The following ACOT12 variants were observed in gnomAD, a reference collection of about 807,000 sequenced individuals.
ACOT12 encodes acyl-CoA thioesterase 12.
Under a neutral mutation model 67.7 loss-of-function variants are expected in ACOT12, and 51 were observed. The observed-to-expected ratio is 0.75, with a 90% CI of 0.60 to 0.95. The LOEUF is 0.95. ACOT12 is among the 40% of genes least tolerant of loss of function. ACOT12 has a pLI of 0.00. For missense variants in ACOT12, 734 were observed against 708.1 expected, an observed-to-expected ratio of 1.04 and a Z score of -0.41; for synonymous variants, 251 against 244.6, an observed-to-expected ratio of 1.03 and a Z score of -0.24.
chr5:81,338,917 C>A (rs1759098298), intron 11 of ACOT12, among the ~76,000 whole-genome samples: 1 of 152,120 alleles, frequency 6.6e-6, no homozygotes, highest in Non-Finnish European at 1.5e-5. Context: ...CCTGTCTCTA[C>A]TGAAAACACA....
chr5:81,359,967 C>T lies in ACOT12; in HGVS notation c.432G>A (p.Arg144=), dbSNP rs376960405. Residue 144 remains arginine, a synonymous_variant, in exon 5 of 15, where the codon AGG becomes AGA. Transcript: ENST00000307624. ...HVEHNLAAER[R]KVRLQHEDTF... ...TATCTTCATGTTGTAATCGAACTTTCCTTCTCTCAGCAGCCAGATTATGTT... is the reference window on the plus strand; with the variant it reads ...TATCTTCATGTTGTAATCGAACTTTTCTTCTCTCAGCAGCCAGATTATGTT... 1.2e-6 allele frequency: 2 copies of T among 1,612,530 alleles called. No individual in the cohort carries two copies. The highest frequency in any genetic ancestry group is 1.3e-5 in the African/African-American group (1 of 74,864).
intron 2 of ACOT12, among the ~76,000 whole-genome samples, chr5:81,383,041 T>C (rs989731572): frequency 6.6e-6 from 1 of 152,162 alleles, no homozygotes; most frequent in African/African-American, 2.4e-5. Flanking sequence ...GACAGAATGG[T>C]TGTAGTCTAT....
At chr5:81,316,566 T>C in the ACOT12 span, among the ~76,000 whole-genome samples, 2 of 152,230 alleles carry the variant, frequency 1.3e-5, no homozygotes, top group African/African-American at 4.8e-5. Context: ...CTGTGAACAT[T>C]TGTGTATAAT....
intron 3 of ACOT12, among the ~76,000 whole-genome samples, chr5:81,367,430 C>T (rs894666140): frequency 1.3e-5 from 2 of 151,992 alleles, no homozygotes; most frequent in Non-Finnish European, 2.9e-5. Flanking sequence ...AAGGCTGGGA[C>T]ATGGGAAGGG....
In ACOT12 at chr5:81,393,623, G is replaced by A. The variant is rs138570230; in HGVS notation, c.127+365C>T. Among the ~76,000 whole-genome samples, 1,157 of 152,188 alleles carry A rather than the reference G, an allele frequency of 7.6e-3. 16 individuals are homozygous for A. Among genetic ancestry groups the A allele is most frequent in the African/African-American group, 0.025 (1,043 of 41,522 alleles). ...TCCTAGTTACTCTGGAGGCTGAGGT[G>A]GGAGGATCGCTTTAGCTCAGGAGGT... On this transcript the variant is annotated intron_variant, in intron 1 of 14. Coordinates refer to ENST00000307624, the MANE Select transcript of ACOT12 (RefSeq NM_130767.3).
At chr5:81,351,198 A>G (rs1343080872) in intron 5 of ACOT12, among the ~76,000 whole-genome samples, 1 of 152,170 alleles carries the variant, frequency 6.6e-6, no homozygotes, top group Non-Finnish European at 1.5e-5. Flanking sequence ...AATCCCTTTC[A>G]ATTTCTCTCT....
chr5:81,323,681 G>A, the ACOT12 span, among the ~76,000 whole-genome samples: 1 of 152,014 alleles, frequency 6.6e-6, no homozygotes, highest in East Asian at 1.9e-4. Context: ...ATGAGACTGT[G>A]GCTCTTACCC....
chr5:81,312,764 G>GTAGA, the ACOT12 span: 2 of 794,416 alleles, frequency 2.5e-6, no homozygotes, highest in South Asian at 3.4e-5. Flanking sequence ...GGACTATGCT[G>GTAGA]TAGATATCAG....
intron 11 of ACOT12, among the ~76,000 whole-genome samples, chr5:81,337,297 G>A (rs938621226): frequency 1.3e-5 from 2 of 152,148 alleles, no homozygotes; most frequent in African/African-American, 4.8e-5. Context: ...CTGCCCTTGG[G>A]GCAGCCATGC....
At chr5:81,342,308 AG>A (rs1255603261) in intron 11 of ACOT12, among the ~76,000 whole-genome samples, 1 of 152,200 alleles carries the variant, frequency 6.6e-6, no homozygotes, top group African/African-American at 2.4e-5. Flanking sequence ...TTAATTTTAA[AG>A]AAGTCATGAC....
At chr5:81,338,748 TATC>T (rs1759091378) in intron 11 of ACOT12, among the ~76,000 whole-genome samples, 1 of 152,216 alleles carries the variant, frequency 6.6e-6, no homozygotes, top group African/African-American at 2.4e-5. Flanking sequence ...TTATTAGTGA[TATC>T]ATTGTTTTCA....
intron 5 of ACOT12, among the ~76,000 whole-genome samples, chr5:81,353,275 A>G (rs1161316002): frequency 1.3e-5 from 2 of 152,158 alleles, no homozygotes; most frequent in African/African-American, 4.8e-5. Context: ...GCTTATTTGG[A>G]GTTAATTTAC....
At chr5:81,361,272 G>A (rs114478020) in intron 4 of ACOT12, among the ~76,000 whole-genome samples, 236 of 151,382 alleles carry the variant, frequency 1.6e-3, no homozygotes, top group African/African-American at 5.5e-3. Context: ...GAGCACAGTG[G>A]TGTAATCATA....
chr5:81,360,184 A>C, intron 4 of ACOT12, 146 bp from the exon 5 acceptor site: 1 of 730,626 alleles, frequency 1.4e-6, no homozygotes, highest in Non-Finnish European at 2.1e-6. Flanking sequence ...ACATGTTATG[A>C]CTAAATTTTT....
At chr5:81,332,752 C>G in intron 12 of ACOT12, 147 bp from the exon 13 acceptor site, 1 of 944,106 alleles carries the variant, frequency 1.1e-6, no homozygotes, top group Non-Finnish European at 1.6e-6. Flanking sequence ...AGCATTATTG[C>G]TCAAGTCTGC....
At chr5:81,391,776 G>A (rs538509450) in intron 1 of ACOT12, among the ~76,000 whole-genome samples, 40 of 152,322 alleles carry the variant, frequency 2.6e-4, no homozygotes, top group African/African-American at 9.1e-4. Context: ...GTGCAGCAAA[G>A]TGCTTGGATT....
intron 2 of ACOT12, among the ~76,000 whole-genome samples, chr5:81,373,050 C>T (rs1315833372): frequency 2.0e-5 from 3 of 152,208 alleles, no homozygotes; most frequent in Admixed American, 2.0e-4. Context: ...GTGTGTAAAT[C>T]AGGCACCATG....
intron 5 of ACOT12, among the ~76,000 whole-genome samples, chr5:81,355,317 C>T (rs866284767): frequency 6.6e-6 from 1 of 152,164 alleles, no homozygotes; most frequent in Non-Finnish European, 1.5e-5. Context: ...TACCTTGCTT[C>T]GGCAAGCTGA....
At chr5:81,332,740 C>T (rs1420167167) in intron 12 of ACOT12, 135 bp from the exon 13 acceptor site, 9 of 1,034,830 alleles carry the variant, frequency 8.7e-6, no homozygotes, top group Admixed American at 2.3e-5. Flanking sequence ...TCCCTAAAAG[C>T]CAGCATTATT....
Sources: allele counts gnomAD v4.1 joint callset (sites outside exome capture counted in the v4.1 genomes callset), GRCh38; gene constraint gnomAD v4.1.1; transcripts MANE v1.5; gene names NCBI Gene and HGNC (gene_info 2026-07-23, HGNC 2026-07-21).